FAM135B: variants seen among roughly 807,000 people sequenced by gnomAD.
The protein encoded by FAM135B is family with sequence similarity 135 member B.
Under a neutral mutation model 127.7 loss-of-function variants are expected in FAM135B, and 43 were observed. The ratio of observed to expected loss-of-function variants is 0.34; its 90% CI spans 0.26 to 0.43. FAM135B has a LOEUF of 0.43. Ranked by LOEUF, FAM135B falls within the 20% of genes least tolerant of loss-of-function variation. The probability of loss-of-function intolerance (pLI) is 1.00; values close to 1 mark genes in which losing one functional copy is unlikely to be tolerated. For synonymous variants in FAM135B, 670 were observed against 665.1 expected (o/e 1.01, Z -0.11); for missense variants, 1,558 against 1,725.6 (o/e 0.90, Z 1.72).
chr8:138,149,213 G>A (rs1015094582), intron 13 of FAM135B, among the ~76,000 whole-genome samples: 5 of 151,962 alleles, frequency 3.3e-5, no homozygotes, highest in Non-Finnish European at 7.4e-5. Context: ...GCTTCTATGG[G>A]TTTTGGTTCT....
intron 1 of FAM135B, chr8:138,441,764 A>G (rs1013470787): frequency 6.6e-6 from 1 of 151,734 alleles, no homozygotes; most frequent in Admixed American, 6.6e-5. Flanking sequence ...CCTTGATTCA[A>G]ATTCGATCAT....
chr8:138,314,038 G>A (rs1826892115), intron 2 of FAM135B, among the ~76,000 whole-genome samples: 2 of 152,048 alleles, frequency 1.3e-5, no homozygotes, highest in Admixed American at 1.3e-4. Flanking sequence ...ATGGACCCCA[G>A]GCATAGTACT....
intron 1 of FAM135B, among the ~76,000 whole-genome samples, chr8:138,370,640 C>T (rs758006982): frequency 6.6e-6 from 1 of 152,154 alleles, no homozygotes; most frequent in Non-Finnish European, 1.5e-5. Context: ...TTAGTAGAGA[C>T]GGGGCTTCAC....
chr8:138,411,022 C>A (rs1563979840), intron 1 of FAM135B, among the ~76,000 whole-genome samples: 1 of 128,154 alleles, frequency 7.8e-6, no homozygotes, highest in African/African-American at 3.3e-5. Context: ...ATTCCATGCT[C>A]ATGGGTAGGA....
chr8:138,409,161 T>C (rs1833705536), intron 1 of FAM135B, among the ~76,000 whole-genome samples: 1 of 152,158 alleles, frequency 6.6e-6, no homozygotes, highest in African/African-American at 2.4e-5. Flanking sequence ...CGACACTTCC[T>C]TTCACTTGTC....
intron 1 of FAM135B, among the ~76,000 whole-genome samples, chr8:138,383,738 AT>A (rs1195746261): frequency 6.6e-6 from 1 of 152,096 alleles, no homozygotes; most frequent in Non-Finnish European, 1.5e-5. Flanking sequence ...TGACACTCTG[AT>A]TTTTTATTCT....
At chr8:138,383,791 T>C (rs1407193305) in intron 1 of FAM135B, among the ~76,000 whole-genome samples, 1 of 152,180 alleles carries the variant, frequency 6.6e-6, no homozygotes, top group Non-Finnish European at 1.5e-5. Flanking sequence ...TTCTTCCTCC[T>C]CCCTGACCAT....
chr8:138,325,635 A>C (rs1827754868), intron 2 of FAM135B, among the ~76,000 whole-genome samples: 1 of 152,224 alleles, frequency 6.6e-6, no homozygotes, highest in Non-Finnish European at 1.5e-5. Flanking sequence ...GCTGCAGGGA[A>C]GAATGACCTC....
chr8:138,333,538 G>A (rs1482187069), intron 2 of FAM135B, among the ~76,000 whole-genome samples: 1 of 152,082 alleles, frequency 6.6e-6, no homozygotes, highest in Non-Finnish European at 1.5e-5. Flanking sequence ...CTAAGGGCCG[G>A]GGGCTCCCCA....
Position 138,496,779 on chromosome 8 carries a change from C to CG in FAM135B, c.-129dup. 1 of 153,604 alleles carries CG rather than the reference C, an allele frequency of 6.5e-6. No individual in the cohort carries two copies. Among genetic ancestry groups the CG allele is most frequent in the Non-Finnish European group, 1.4e-5 (1 of 69,290 alleles). 9.5% of individuals were successfully genotyped at this position (153,604 alleles called of 1,614,324 possible). On this transcript the variant is annotated 5_prime_UTR_variant, in exon 1 of 20. Transcript: ENST00000395297. Reference sequence around the variant, plus strand: ...CCGCCAACAGTTGCGGCGGCGGCGGCGGCGGGCGGACTGGGGAGTCCGCAG... The same window carrying CG: ...CCGCCAACAGTTGCGGCGGCGGCGGCGGGCGGGCGGACTGGGGAGTCCGCAG...
At chr8:138,377,506 A>G (rs987339503) in intron 1 of FAM135B, among the ~76,000 whole-genome samples, 2 of 152,184 alleles carry the variant, frequency 1.3e-5, no homozygotes, top group African/African-American at 4.8e-5. Flanking sequence ...GAAGGCACAA[A>G]AGAACACTGA....
chr8:138,291,290 A>G (rs1030940892), intron 3 of FAM135B, among the ~76,000 whole-genome samples: 1 of 152,182 alleles, frequency 6.6e-6, no homozygotes, highest in Non-Finnish European at 1.5e-5. Context: ...CATTTGACTA[A>G]TGGAAGATAT....
intron 1 of FAM135B, among the ~76,000 whole-genome samples, chr8:138,482,214 G>A (rs979499348): frequency 6.6e-6 from 1 of 152,182 alleles, no homozygotes; most frequent in Non-Finnish European, 1.5e-5. Context: ...CCAAAGATGT[G>A]GGAAACAACA....
At chr8:138,384,706 G>A (rs897334688) in intron 1 of FAM135B, among the ~76,000 whole-genome samples, 4 of 152,056 alleles carry the variant, frequency 2.6e-5, no homozygotes, top group Non-Finnish European at 4.4e-5. Context: ...ATGCAGCCAT[G>A]GAAGGAAACA....
At chr8:138,487,912 G>A (rs1815046284) in intron 1 of FAM135B, among the ~76,000 whole-genome samples, 1 of 152,094 alleles carries the variant, frequency 6.6e-6, no homozygotes, top group Non-Finnish European at 1.5e-5. Context: ...GCCGAGGCAG[G>A]AGAATCGCTT....
At chr8:138,356,292 G>A (rs1830086687) in intron 2 of FAM135B, among the ~76,000 whole-genome samples, 1 of 151,978 alleles carries the variant, frequency 6.6e-6, no homozygotes, top group Admixed American at 6.6e-5. Flanking sequence ...GAAAGAGAGA[G>A]CCAGCGAGTG....
chr8:138,190,823 C>A (rs1269045771), intron 9 of FAM135B, among the ~76,000 whole-genome samples: 3 of 152,208 alleles, frequency 2.0e-5, no homozygotes, highest in Admixed American at 1.3e-4. Context: ...TAACCTCTTT[C>A]AACCTATTGC....
chr8:138,298,606 C>A (rs925277962), intron 3 of FAM135B, among the ~76,000 whole-genome samples: 3 of 152,098 alleles, frequency 2.0e-5, no homozygotes, highest in African/African-American at 7.2e-5. Flanking sequence ...CCCAAGCGAA[C>A]CAGGACCTGT....
intron 1 of FAM135B, among the ~76,000 whole-genome samples, chr8:138,399,748 C>T (rs1432746164): frequency 6.6e-6 from 1 of 152,166 alleles, no homozygotes; most frequent in Non-Finnish European, 1.5e-5. Flanking sequence ...CCTAATAACT[C>T]CCCAGGCTGA....
Sources: gnomAD v4.1 joint callset for allele counts (sites outside exome capture counted in the v4.1 genomes callset) on GRCh38, gnomAD v4.1.1 for gene constraint, MANE v1.5 for transcripts, NCBI Gene and HGNC (gene_info 2026-07-23, HGNC 2026-07-21) for gene names.